The following EFCAB14 variants were observed in gnomAD, a reference collection of about 807,000 sequenced individuals.
The protein encoded by EFCAB14 is EF-hand calcium binding domain 14, also known as EF-hand calcium-binding domain-containing protein 14.
Under a neutral mutation model 56.5 loss-of-function variants are expected in EFCAB14, and 43 were observed. The ratio of observed to expected loss-of-function variants is 0.76; its 90% CI spans 0.60 to 0.98. EFCAB14 has a LOEUF of 0.98. Among genes scored for constraint, EFCAB14 ranks in the 50% least tolerant of loss-of-function variants. The pLI is 0.00. For synonymous variants in EFCAB14, 235 were observed against 212.9 expected, an observed-to-expected ratio of 1.10 and a Z score of -0.90; for missense variants, 538 against 580.3, an observed-to-expected ratio of 0.93 and a Z score of 0.75.
chr1:46,701,304 G>C (rs1677153552), intron 3 of EFCAB14, among the ~76,000 whole-genome samples: 2 of 152,094 alleles, frequency 1.3e-5, no homozygotes, highest in Non-Finnish European at 2.9e-5. Flanking sequence ...CCTGCCCCAG[G>C]TATGTTTTCC....
rs771708802 is a variant in EFCAB14, at chr1:46,689,640, G to T, written c.742C>A (p.Pro248Thr). 1.9e-6 allele frequency: 3 copies of T among 1,613,822 alleles called. No individual in the cohort carries two copies. The highest frequency in any genetic ancestry group is 2.7e-5 in the African/African-American group (2 of 74,912). The stretch of plus-strand genomic sequence containing the variant: ...TTGTCAAGTTCTGATGTGGCTGAAG[G>T]TGACGGAATGATCTGGTTGCTTCCA... ...TPGSNQIIPS[P>T]SATSELDNKT... Residue 248 changes from proline (P) to threonine (T), a missense_variant, in exon 6 of 11, where the codon CCT becomes ACT. Transcript: ENST00000371933.
chr1:46,678,899 G>C (rs1473804911), intron 10 of EFCAB14, among the ~76,000 whole-genome samples: 1 of 151,830 alleles, frequency 6.6e-6, no homozygotes, highest in African/African-American at 2.4e-5. Flanking sequence ...GAGGCAGGAG[G>C]ATTGCTTGAG....
At position 46,686,864 on chromosome 1, in the gene EFCAB14, C is replaced by A. The variant is rs1244518619; in HGVS notation, c.994G>T (p.Asp332Tyr). 6.2e-7 allele frequency: 1 copy of A among 1,613,646 alleles called. No individual in the cohort carries two copies. Among genetic ancestry groups the A allele is most frequent in the Non-Finnish European group, 8.5e-7 (1 of 1,179,750 alleles). ...TGTCTTTTCAGAGTGGCAGATCTAT[C>A]ACCCATCTTAAAGGGCAAAACAAAA... ...KANLSFSMMGDRSATLKRQSL... is the reference protein window; with the variant it reads ...KANLSFSMMGYRSATLKRQSL... Residue 332 changes from aspartate (D) to tyrosine (Y), a missense_variant, in exon 8 of 11, where the codon GAT (aspartate) becomes TAT (tyrosine). Coordinates refer to ENST00000371933, the MANE Select transcript of EFCAB14 (RefSeq NM_014774.3).
Position 46,718,366 on chromosome 1 carries a change from T to G in EFCAB14, c.-279A>C, listed in dbSNP as rs1035025894. On this transcript the variant is annotated 5_prime_UTR_variant, in exon 1 of 11. Transcript: ENST00000371933. Reference sequence around the variant, plus strand: ...TAAGGCCTTGGGTGCAGAGTGTTAGTAGAGGGTGGAGAGGGACCTTTATCT... The same window carrying G: ...TAAGGCCTTGGGTGCAGAGTGTTAGGAGAGGGTGGAGAGGGACCTTTATCT... 2 of 317,726 alleles carry G rather than the reference T, an allele frequency of 6.3e-6. No individual in the cohort carries two copies. 19.7% of individuals were successfully genotyped at this position (317,726 alleles called of 1,614,324 possible).
intron 3 of EFCAB14, among the ~76,000 whole-genome samples, chr1:46,707,241 A>C (rs1677246084): frequency 1.3e-5 from 2 of 152,184 alleles, no homozygotes; most frequent in African/African-American, 4.8e-5. Flanking sequence ...ACATTTCCTA[A>C]CTAAATGGAA....
At position 46,690,417 on chromosome 1, in the gene EFCAB14, G is replaced by T. The variant is rs140458205; in HGVS notation, c.691-726C>A. 6.4e-3 allele frequency among the ~76,000 whole-genome samples: 976 copies of T among 152,252 alleles called. 7 individuals carry two copies. Among genetic ancestry groups the T allele is most frequent in the African/African-American group, 0.017 (704 of 41,526 alleles). ...CAGCTATGGAAATTTAAAAGAAGTA[G>T]ATTTAATTATAACAGAATGCAACTG... On this transcript the variant is annotated intron_variant, in intron 5 of 10. Coordinates refer to ENST00000371933, the MANE Select transcript of EFCAB14 (RefSeq NM_014774.3).
intron 3 of EFCAB14, among the ~76,000 whole-genome samples, chr1:46,706,243 C>T (rs1677232512): frequency 6.6e-6 from 1 of 152,124 alleles, no homozygotes; most frequent in Non-Finnish European, 1.5e-5. Flanking sequence ...TTACAGTTTC[C>T]AAAAACCTAT....
intron 3 of EFCAB14, among the ~76,000 whole-genome samples, chr1:46,701,597 T>A (rs147087865): frequency 1.1e-3 from 167 of 152,310 alleles, no homozygotes; most frequent in Admixed American, 3.7e-3. Flanking sequence ...AAAAAGCCAG[T>A]GTGACTGGTT....
rs1676831081 is a variant in EFCAB14, at chr1:46,683,554, G to C, written c.1187-129C>G. 4.1e-6 allele frequency: 4 copies of C among 985,986 alleles called. No individual in the cohort carries two copies. In the East Asian group the frequency reaches 8.1e-5, roughly 20 times the overall value. 61.1% of individuals were successfully genotyped at this position (985,986 alleles called of 1,614,324 possible). ...TAGAGAAACATTTGAAGATAAAGTA[G>C]CATAGTGACTATGTGAAGTTAAAGG... On this transcript the variant is annotated intron_variant, in intron 9 of 10. Coordinates refer to ENST00000371933, the MANE Select transcript of EFCAB14 (RefSeq NM_014774.3).
intron 10 of EFCAB14, 113 bp from the exon 11 acceptor site, chr1:46,678,749 T>G (rs1193347024): frequency 7.0e-6 from 7 of 995,758 alleles, no homozygotes; most frequent in Non-Finnish European, 9.8e-6. Context: ...CCGCAAATTT[T>G]GTTTCCAAAT....
chr1:46,712,183 A>G (rs990825572), intron 2 of EFCAB14, among the ~76,000 whole-genome samples: 6 of 152,218 alleles, frequency 3.9e-5, no homozygotes, highest in African/African-American at 1.2e-4. Context: ...AGATACCTAT[A>G]TTCCCTAATG....
chr1:46,697,643 C>T (rs1677095473), intron 3 of EFCAB14, among the ~76,000 whole-genome samples: 1 of 152,072 alleles, frequency 6.6e-6, no homozygotes, highest in Non-Finnish European at 1.5e-5. Context: ...CAAAACAGAA[C>T]CTGATTCCCT....
chr1:46,698,766 G>A (rs897142110), intron 3 of EFCAB14, among the ~76,000 whole-genome samples: 5 of 152,298 alleles, frequency 3.3e-5, no homozygotes, highest in South Asian at 4.1e-4. Flanking sequence ...GGCCAGTTGT[G>A]CAGTAAAGTG....
In EFCAB14 at chr1:46,691,902, G is replaced by A. The variant is rs1343695270; in HGVS notation, c.615C>T (p.Val205=). Residue 205 remains valine, a synonymous_variant, in exon 5 of 11, where the codon GTC becomes GTT. Coordinates refer to ENST00000371933, the MANE Select transcript of EFCAB14 (RefSeq NM_014774.3). ...VASIGNTLNS[V]HLAVEALQKT... is the part of the protein sequence containing the mutation. ...TCTGTAGTGCTTCCACAGCAAGATG[G>A]ACGCTGTTTAAAGTATTGCCAATGG... The A allele has an allele frequency of 6.2e-6, 10 of 1,613,466 alleles. No homozygotes were observed. Among genetic ancestry groups the A allele is most frequent in the Non-Finnish European group, 8.5e-6 (10 of 1,179,664 alleles).
Position 46,686,768 on chromosome 1 carries a change from G to A in EFCAB14, c.1074+16C>T, listed in dbSNP as rs78161481. On this transcript the variant is annotated intron_variant, in intron 8 of 10. Transcript: ENST00000371933. ...TGCATTTACTTTTACTTCAGGGTAA[G>A]CCTCCCATTATTTACCTTTATGCTT... 2.2e-3 allele frequency: 3,545 copies of A among 1,611,090 alleles called. 65 individuals carry two copies. In the African/African-American group the frequency reaches 0.042, roughly 19 times the overall value.
intron 4 of EFCAB14, chr1:46,692,177 A>G (rs1296185533): frequency 1.1e-5 from 4 of 354,884 alleles, no homozygotes; most frequent in South Asian, 6.2e-5. Context: ...GTCACAATAA[A>G]TCAGTCTTCA....
At chr1:46,701,351 T>C (rs1677154981) in intron 3 of EFCAB14, among the ~76,000 whole-genome samples, 1 of 151,706 alleles carries the variant, frequency 6.6e-6, no homozygotes, top group African/African-American at 2.4e-5. Flanking sequence ...TGGTTCAAGA[T>C]CAGTTTGAAG....
chr1:46,683,471 A>G, intron 9 of EFCAB14, 46 bp from the exon 10 acceptor site: 1 of 1,575,118 alleles, frequency 6.3e-7, no homozygotes. Context: ...TGAATCTAAC[A>G]CCAAATTAAA....
At chr1:46,691,209 T>A (rs1343473840) in intron 5 of EFCAB14, among the ~76,000 whole-genome samples, 2 of 152,198 alleles carry the variant, frequency 1.3e-5, no homozygotes, top group Non-Finnish European at 2.9e-5. Flanking sequence ...TGTTGCTGCC[T>A]AACAAATTAT....
Sources: allele counts gnomAD v4.1 joint callset (sites outside exome capture counted in the v4.1 genomes callset), GRCh38; gene constraint gnomAD v4.1.1; transcripts MANE v1.5; gene names NCBI Gene and HGNC (gene_info 2026-07-23, HGNC 2026-07-21).